Variants in OTULINL observed in about 807,000 individuals in gnomAD.
The protein encoded by OTULINL is OTU deubiquitinase with linear linkage specificity like, also known as inactive ubiquitin thioesterase OTULINL.
A neutral mutation model predicts 43.9 loss-of-function variants in OTULINL; 42 were observed. The ratio of observed to expected loss-of-function variants is 0.96; its 90% CI spans 0.75 to 1.24. The LOEUF (loss-of-function observed/expected upper bound fraction) is 1.24, where lower values mean the gene tolerates loss of function less well. OTULINL is among the 50% of genes most tolerant of loss of function. The probability of loss-of-function intolerance (pLI) is 0.00; values close to 1 mark genes in which losing one functional copy is unlikely to be tolerated. For missense variants in OTULINL, 411 were observed against 426.4 expected, an observed-to-expected ratio of 0.96 and a Z score of 0.32; for synonymous variants, 172 against 153.6, an observed-to-expected ratio of 1.12 and a Z score of -0.88.
chr5:14,594,432 CA>C (rs1447400506), intron 1 of OTULINL, among the ~76,000 whole-genome samples: 4 of 152,212 alleles, frequency 2.6e-5, no homozygotes, highest in Non-Finnish European at 5.9e-5. Context: ...CCTGCAGTCA[CA>C]CTGAGGCCTA....
chr5:14,593,143 G>A (rs528759004), intron 1 of OTULINL, among the ~76,000 whole-genome samples: 1 of 152,120 alleles, frequency 6.6e-6, no homozygotes, highest in Non-Finnish European at 1.5e-5. Flanking sequence ...CCTGCGGGAG[G>A]AGCTTAATCT....
chr5:14,582,631 T>C (rs1235287640), intron 1 of OTULINL, among the ~76,000 whole-genome samples: 1 of 151,884 alleles, frequency 6.6e-6, no homozygotes, highest in African/African-American at 2.4e-5. Context: ...CTGGCCAGCA[T>C]AGTGAAACCT....
chr5:14,588,524 A>T (rs1192433086), intron 1 of OTULINL, among the ~76,000 whole-genome samples: 1 of 152,230 alleles, frequency 6.6e-6, no homozygotes, highest in Non-Finnish European at 1.5e-5. Context: ...CATACATATT[A>T]AAAGTCAGAA....
At chr5:14,592,023 T>C (rs894916757) in intron 1 of OTULINL, among the ~76,000 whole-genome samples, 6 of 152,220 alleles carry the variant, frequency 3.9e-5, no homozygotes, top group African/African-American at 1.4e-4. Context: ...CTGCTTTCCC[T>C]GTGTAAGGGC....
chr5:14,585,667 G>A (rs561186230), intron 1 of OTULINL, among the ~76,000 whole-genome samples: 4 of 152,182 alleles, frequency 2.6e-5, no homozygotes, highest in Non-Finnish European at 5.9e-5. Flanking sequence ...TGCTAGATGC[G>A]GAGACACTGA....
chr5:14,614,945 A>G lies in OTULINL; in HGVS notation c.*4631A>G, dbSNP rs1209747750. 1 of 395,066 alleles carries G rather than the reference A, an allele frequency of 2.5e-6. No homozygotes were observed. The highest frequency in any genetic ancestry group is 3.6e-5 in the East Asian group (1 of 27,900). 24.5% of individuals were successfully genotyped at this position (395,066 alleles called of 1,614,324 possible). ...CAGTGAGAGTCACTCACTTATTTGT[A>G]ATGATTCTTGGGAAGTTTAGTCAAG... On this transcript the variant is annotated 3_prime_UTR_variant, in exon 8 of 8. Coordinates refer to ENST00000274217, the MANE Select transcript of OTULINL (RefSeq NM_019018.3).
rs1485285476 is a variant in OTULINL at position 14,614,663 on chromosome 5, G to A, written c.*4349G>A. ...AGTGCTCTGTAGAACAGCCCGAAGT[G>A]TACACCATGTCTCTGCACTTGAAGC... On this transcript the variant is annotated 3_prime_UTR_variant, in exon 8 of 8. Transcript: ENST00000274217. The A allele has an allele frequency of 1.0e-5, 4 of 398,534 alleles. No individual in the cohort carries two copies. Among genetic ancestry groups the A allele is most frequent in the African/African-American group, 4.1e-5 (2 of 48,634 alleles). The allele number at this position is 398,534 out of a possible 1,614,324, so 24.7% of individuals were successfully genotyped here.
At chr5:14,587,725 T>G (rs557548349) in intron 1 of OTULINL, among the ~76,000 whole-genome samples, 77 of 152,308 alleles carry the variant, frequency 5.1e-4, no homozygotes, top group African/African-American at 1.9e-3. Context: ...TTTTAAGTAT[T>G]AAATATTTGT....
At chr5:14,591,825 G>T (rs1759208951) in intron 1 of OTULINL, among the ~76,000 whole-genome samples, 1 of 152,118 alleles carries the variant, frequency 6.6e-6, no homozygotes, top group South Asian at 2.1e-4. Flanking sequence ...CAGCCCATGG[G>T]TCATATCTGG....
In OTULINL at chr5:14,612,051, A is replaced by T. The variant is rs1039512887; in HGVS notation, c.*1737A>T. On this transcript the variant is annotated 3_prime_UTR_variant, in exon 8 of 8. Coordinates refer to ENST00000274217, the MANE Select transcript of OTULINL (RefSeq NM_019018.3). Reference sequence around the variant, plus strand: ...GATTAATGAGCTCAGCCACAGAAACAAGAGTTCTTCATTGACCTCTACAGT... The same window carrying T: ...GATTAATGAGCTCAGCCACAGAAACTAGAGTTCTTCATTGACCTCTACAGT... 2.0e-5 allele frequency: 3 copies of T among 152,270 alleles called. No homozygotes were observed. Among genetic ancestry groups the T allele is most frequent in the Non-Finnish European group, 4.4e-5 (3 of 68,054 alleles). 9.4% of individuals were successfully genotyped at this position (152,270 alleles called of 1,614,324 possible).
At chr5:14,603,458 A>G (rs775808181) in intron 5 of OTULINL, among the ~76,000 whole-genome samples, 1 of 152,206 alleles carries the variant, frequency 6.6e-6, no homozygotes, top group Non-Finnish European at 1.5e-5. Flanking sequence ...TGTATAAGCA[A>G]TGTTTCAGTT....
In OTULINL at chr5:14,581,807, G is replaced by C; in HGVS notation, c.-88G>C. ...TCCCCAGCCCGCCTCAGGGAAGCGAGCCCGGGCGCCGGCGGGCGGCCGTCG... is the reference window on the plus strand; with the variant it reads ...TCCCCAGCCCGCCTCAGGGAAGCGACCCCGGGCGCCGGCGGGCGGCCGTCG... On this transcript the variant is annotated 5_prime_UTR_variant, in exon 1 of 8. Coordinates refer to ENST00000274217, the MANE Select transcript of OTULINL (RefSeq NM_019018.3). 1 of 1,121,146 alleles carries C rather than the reference G, an allele frequency of 8.9e-7. No homozygotes were observed. The allele number at this position is 1,121,146 out of a possible 1,614,324, so 69.4% of individuals were successfully genotyped here.
chr5:14,595,991 G>A (rs763688057), intron 1 of OTULINL, among the ~76,000 whole-genome samples: 2 of 152,136 alleles, frequency 1.3e-5, no homozygotes, highest in Non-Finnish European at 2.9e-5. Context: ...TCATGTTTTT[G>A]TGTATCTTCA....
intron 1 of OTULINL, among the ~76,000 whole-genome samples, chr5:14,589,941 G>GA (rs879475370): frequency 5.3e-4 from 79 of 148,228 alleles, no homozygotes; most frequent in East Asian, 1.6e-3. Context: ...GAATCAATCT[G>GA]AAAAAAAAAA....
At chr5:14,584,981 A>G (rs1759079787) in intron 1 of OTULINL, among the ~76,000 whole-genome samples, 1 of 152,178 alleles carries the variant, frequency 6.6e-6, no homozygotes, top group African/African-American at 2.4e-5. Context: ...TGGAACTGTT[A>G]ATAACCCAGT....
rs764648336 is a variant in OTULINL at position 14,607,502 on chromosome 5, C to T, written c.627+44C>T. 2.5e-6 allele frequency: 4 copies of T among 1,608,758 alleles called. No individual in the cohort carries two copies. In the South Asian group the frequency reaches 4.4e-5, roughly 18 times the overall value. On this transcript the variant is annotated intron_variant, in intron 6 of 7. Transcript: ENST00000274217. ...AATAAAAAGACTAGGAATAAAAGCA[C>T]ATATCCCAGATAGAGCCAGTTTTCT...
intron 1 of OTULINL, among the ~76,000 whole-genome samples, chr5:14,600,127 T>C (rs922920468): frequency 1.3e-5 from 2 of 152,206 alleles, no homozygotes; most frequent in African/African-American, 2.4e-5. Flanking sequence ...TGGGAGGTAA[T>C]TGAATCATGG....
intron 1 of OTULINL, among the ~76,000 whole-genome samples, chr5:14,592,902 C>A (rs893021904): frequency 3.3e-5 from 5 of 152,160 alleles, no homozygotes; most frequent in Non-Finnish European, 7.3e-5. Context: ...CCTTGCAAGC[C>A]CCTGTCCAAC....
Position 14,582,486 on chromosome 5 carries a change from C to G in OTULINL, c.64+528C>G, listed in dbSNP as rs192928145. On this transcript the variant is annotated intron_variant, in intron 1 of 7. Transcript: ENST00000274217. Reference sequence around the variant, plus strand: ...AGACTTGCTAACAACACAGAATACTCTGGCTGAAAAAAAATTCACCCAGAC... The same window carrying G: ...AGACTTGCTAACAACACAGAATACTGTGGCTGAAAAAAAATTCACCCAGAC... Among the ~76,000 whole-genome samples, 383 of 152,138 alleles carry G rather than the reference C, an allele frequency of 2.5e-3. 5 individuals are homozygous for G. The highest frequency in any genetic ancestry group is 8.5e-3 in the African/African-American group (354 of 41,538).
Sources: gnomAD v4.1 joint callset for allele counts (sites outside exome capture counted in the v4.1 genomes callset) on GRCh38, gnomAD v4.1.1 for gene constraint, MANE v1.5 for transcripts, NCBI Gene and HGNC (gene_info 2026-07-23, HGNC 2026-07-21) for gene names.